XIRP2: variants seen among roughly 807,000 people sequenced by gnomAD.
XIRP2 encodes xin actin binding repeat containing 2, also known as xin actin-binding repeat-containing protein 2.
A neutral mutation model predicts 277.0 loss-of-function variants in XIRP2; 236 were observed. The observed-to-expected ratio is 0.85, with a 90% CI of 0.77 to 0.95. XIRP2 has a LOEUF of 0.95. Among genes scored for constraint, XIRP2 ranks in the 40% least tolerant of loss-of-function variants. The pLI is 0.00. For synonymous variants in XIRP2, 1,490 were observed against 1,416.5 expected (o/e 1.05, Z -1.17); for missense variants, 4,640 against 4,157.5 (o/e 1.12, Z -3.19).
chr2:167,233,991 G>A (rs1490474288), intron 5 of XIRP2, among the ~76,000 whole-genome samples: 2 of 151,384 alleles, frequency 1.3e-5, no homozygotes, highest in African/African-American at 2.4e-5. Flanking sequence ...TATGTTTGAC[G>A]ACTCAGTTGA....
intron 2 of XIRP2, among the ~76,000 whole-genome samples, chr2:166,987,369 G>A (rs554926593): frequency 3.9e-5 from 6 of 152,220 alleles, no homozygotes; most frequent in South Asian, 2.1e-4. Context: ...CAGGATAATC[G>A]TCTATCCTGT....
chr2:167,081,706 C>A (rs1689741768), intron 2 of XIRP2, among the ~76,000 whole-genome samples: 1 of 152,116 alleles, frequency 6.6e-6, no homozygotes, highest in South Asian at 2.1e-4. Flanking sequence ...GATCCTTTAA[C>A]TTACAGTTAA....
chr2:166,940,117 C>T (rs1350319422), intron 2 of XIRP2, among the ~76,000 whole-genome samples: 1 of 152,146 alleles, frequency 6.6e-6, no homozygotes, highest in Non-Finnish European at 1.5e-5. Flanking sequence ...TCACCTAATC[C>T]AATATTTCTT....
At chr2:167,147,667 T>G (rs760548289) in intron 3 of XIRP2, among the ~76,000 whole-genome samples, 5 of 152,180 alleles carry the variant, frequency 3.3e-5, no homozygotes, top group Non-Finnish European at 7.4e-5. Context: ...TATAGAACTT[T>G]CCTGGGAGAG....
chr2:167,050,606 C>G (rs536484926), intron 2 of XIRP2, among the ~76,000 whole-genome samples: 2 of 151,938 alleles, frequency 1.3e-5, no homozygotes, highest in African/African-American at 4.8e-5. Flanking sequence ...TAGGATCACA[C>G]CCTATAGATA....
intron 2 of XIRP2, among the ~76,000 whole-genome samples, chr2:166,975,806 G>A (rs1574129318): frequency 6.6e-6 from 1 of 151,574 alleles, no homozygotes; most frequent in African/African-American, 2.4e-5. Flanking sequence ...GGCACCTGTA[G>A]TCCCAGCTAC....
chr2:167,103,332 A>G (rs1409023266), intron 2 of XIRP2, among the ~76,000 whole-genome samples: 5 of 152,166 alleles, frequency 3.3e-5, no homozygotes, highest in Non-Finnish European at 7.3e-5. Flanking sequence ...TCTTTTCCAA[A>G]CTGAAAACAG....
chr2:167,066,377 G>T (rs1400014977), intron 2 of XIRP2, among the ~76,000 whole-genome samples: 2 of 151,902 alleles, frequency 1.3e-5, no homozygotes, highest in Non-Finnish European at 2.9e-5. Context: ...GTACAAAAAG[G>T]TGCTCAGCAT....
chr2:167,022,052 A>G (rs181947049), intron 2 of XIRP2, among the ~76,000 whole-genome samples: 110 of 152,270 alleles, frequency 7.2e-4, no homozygotes, highest in African/African-American at 2.5e-3. Context: ...TAATATATTA[A>G]TGATGGCTAC....
Position 167,071,978 on chromosome 2 carries a change from G to A in XIRP2, c.409-63931G>A, listed in dbSNP as rs138825580. 3.7e-4 allele frequency among the ~76,000 whole-genome samples: 57 copies of A among 152,268 alleles called. No homozygotes were observed. In the East Asian group the frequency reaches 8.7e-3, roughly 23 times the overall value. The stretch of plus-strand genomic sequence containing the variant: ...TGCTCATAAATATTTGTGAGACACT[G>A]TACTGAGAAATAATTAGCAGGAACT... On this transcript the variant is annotated intron_variant, in intron 2 of 10. Coordinates refer to ENST00000409195, the MANE Select transcript of XIRP2 (RefSeq NM_152381.6).
At chr2:167,123,959 A>G (rs1460922878) in intron 2 of XIRP2, 2 of 152,176 alleles carry the variant, frequency 1.3e-5, no homozygotes, top group East Asian at 1.9e-4. Context: ...AAAACAGGAA[A>G]TGTAGAACTC....
rs1329963319 is a variant in XIRP2, at chr2:167,259,488, G to C, written c.*1671G>C. ...TGTAAACATGGTGTTCAGAAATCTC[G>C]TGTCTATCTCAATGGGATATTTCTT... On this transcript the variant is annotated 3_prime_UTR_variant, in exon 11 of 11. Coordinates refer to ENST00000409195, the MANE Select transcript of XIRP2 (RefSeq NM_152381.6). The C allele has an allele frequency of 3.2e-6, 3 of 924,164 alleles. No homozygotes were observed. Among genetic ancestry groups the C allele is most frequent in the Non-Finnish European group, 4.7e-6 (3 of 639,814 alleles). 57.2% of individuals were successfully genotyped at this position (924,164 alleles called of 1,614,324 possible). A position where few individuals can be genotyped will look rare whatever the true frequency, so the allele number is the denominator to read the frequency against.
At chr2:166,892,113 T>C (rs1312797171) in intron 1 of XIRP2, among the ~76,000 whole-genome samples, 2 of 152,192 alleles carry the variant, frequency 1.3e-5, no homozygotes, top group Non-Finnish European at 2.9e-5. Flanking sequence ...ACACATGTTG[T>C]AGTTTCCAAA....
At chr2:167,168,868 C>G (rs1692600650) in intron 3 of XIRP2, among the ~76,000 whole-genome samples, 1 of 152,168 alleles carries the variant, frequency 6.6e-6, no homozygotes, top group Admixed American at 6.5e-5. Flanking sequence ...CCTGCCTCAG[C>G]CTCCCAAAGT....
chr2:166,950,006 C>A (rs934717246), intron 2 of XIRP2, among the ~76,000 whole-genome samples: 1 of 151,968 alleles, frequency 6.6e-6, no homozygotes, highest in South Asian at 2.1e-4. Flanking sequence ...AACTGAACAA[C>A]AGACAACAGA....
intron 2 of XIRP2, among the ~76,000 whole-genome samples, chr2:166,927,328 A>G (rs904299227): frequency 2.0e-5 from 3 of 152,132 alleles, no homozygotes; most frequent in Non-Finnish European, 4.4e-5. Context: ...AGTGGCTTAA[A>G]CAATACAAAT....
At chr2:167,199,831 A>G (rs1693629042) in intron 3 of XIRP2, among the ~76,000 whole-genome samples, 2 of 152,338 alleles carry the variant, frequency 1.3e-5, no homozygotes, top group Admixed American at 6.5e-5. Flanking sequence ...TAAACCACAC[A>G]TAAAGGAGGA....
intron 2 of XIRP2, among the ~76,000 whole-genome samples, chr2:166,932,099 A>G (rs1029132255): frequency 2.6e-5 from 4 of 151,870 alleles, no homozygotes; most frequent in African/African-American, 9.7e-5. Flanking sequence ...CATCATATTA[A>G]ATTGGTTTTT....
intron 3 of XIRP2, among the ~76,000 whole-genome samples, chr2:167,205,893 C>T (rs543645248): frequency 6.6e-6 from 1 of 152,102 alleles, no homozygotes; most frequent in Admixed American, 6.6e-5. Flanking sequence ...ATTTTGAGGG[C>T]CTTCATTTTC....
Sources: allele counts gnomAD v4.1 joint callset (sites outside exome capture counted in the v4.1 genomes callset), GRCh38; gene constraint gnomAD v4.1.1; transcripts MANE v1.5; gene names NCBI Gene and HGNC (gene_info 2026-07-23, HGNC 2026-07-21).